The following PRKD1 variants were observed in gnomAD, a reference collection of about 807,000 sequenced individuals.
PRKD1 encodes the protein serine/threonine-protein kinase D1.
PRKD1 carries 63 observed loss-of-function variants against 95.9 expected under a neutral mutation model. The ratio of observed to expected loss-of-function variants is 0.66; its 90% CI spans 0.54 to 0.81. The LOEUF is 0.81. Among genes scored for constraint, PRKD1 ranks in the 30% least tolerant of loss-of-function variants. The probability of loss-of-function intolerance (pLI) is 0.00; values close to 1 mark genes in which losing one functional copy is unlikely to be tolerated. For missense variants in PRKD1, 1,048 were observed against 1,165.3 expected (o/e 0.90, Z 1.47); for synonymous variants, 425 against 423.1 (o/e 1.00, Z -0.05).
chr14:29,822,980 T>C (rs916999973), intron 1 of PRKD1, among the ~76,000 whole-genome samples: 1 of 152,170 alleles, frequency 6.6e-6, no homozygotes, highest in African/African-American at 2.4e-5. Flanking sequence ...AAAAGATGGA[T>C]TGAAAATTGG....
At chr14:29,741,147 A>T (rs914087539) in intron 1 of PRKD1, among the ~76,000 whole-genome samples, 5 of 152,208 alleles carry the variant, frequency 3.3e-5, no homozygotes, top group African/African-American at 1.2e-4. Context: ...CAGAAAAAAA[A>T]TAACGATTAG....
chr14:29,759,632 A>G (rs896134211), intron 1 of PRKD1, among the ~76,000 whole-genome samples: 3 of 152,248 alleles, frequency 2.0e-5, no homozygotes, highest in African/African-American at 7.2e-5. Flanking sequence ...TTTGAGCACA[A>G]TGGGGAAGCT....
chr14:29,646,818 G>C (rs116561697), intron 4 of PRKD1, among the ~76,000 whole-genome samples: 1 of 151,382 alleles, frequency 6.6e-6, no homozygotes, highest in African/African-American at 2.4e-5. Context: ...TCTCACACAG[G>C]AGTGGGGATT....
intron 13 of PRKD1, among the ~76,000 whole-genome samples, chr14:29,623,896 T>A (rs1344261023): frequency 6.6e-6 from 1 of 152,196 alleles, no homozygotes; most frequent in African/African-American, 2.4e-5. Context: ...GAGCAAATGC[T>A]GAAATATTAC....
intron 1 of PRKD1, among the ~76,000 whole-genome samples, chr14:29,852,083 G>A (rs951651501): frequency 2.0e-5 from 3 of 152,006 alleles, no homozygotes; most frequent in East Asian, 1.9e-4. Context: ...ACTACAAGGC[G>A]GGAAATGATG....
intron 2 of PRKD1, among the ~76,000 whole-genome samples, chr14:29,712,634 A>G (rs1452798335): frequency 6.6e-6 from 1 of 152,258 alleles, no homozygotes; most frequent in South Asian, 2.1e-4. Context: ...AGGTACAAAT[A>G]CATTCTGGTG....
chr14:29,836,054 C>T (rs1046755450), intron 1 of PRKD1, among the ~76,000 whole-genome samples: 1 of 151,880 alleles, frequency 6.6e-6, no homozygotes, highest in Non-Finnish European at 1.5e-5. Flanking sequence ...GAGATGTCTC[C>T]CCAGATGAGA....
intron 1 of PRKD1, among the ~76,000 whole-genome samples, chr14:29,924,760 C>CA (rs555771669): frequency 1.3e-4 from 20 of 150,410 alleles, no homozygotes; most frequent in Middle Eastern, 3.5e-3. Flanking sequence ...AAGGTACTTC[C>CA]AAAAAAAAAC....
In PRKD1 at chr14:29,874,940, A is replaced by G. The variant is rs183390314; in HGVS notation, c.264+52309T>C. 2.6e-3 allele frequency among the ~76,000 whole-genome samples: 392 copies of G among 152,304 alleles called. 2 individuals carry two copies. Among genetic ancestry groups the G allele is most frequent in the Admixed American group, 8.4e-3 (128 of 15,286 alleles). ...TGTTCCAAAGCAGACCAGGGTGACTATAGTTAGCAACAATATATTGCACAT... is the reference window on the plus strand; with the variant it reads ...TGTTCCAAAGCAGACCAGGGTGACTGTAGTTAGCAACAATATATTGCACAT... On this transcript the variant is annotated intron_variant, in intron 1 of 17. Transcript: ENST00000331968.
Position 29,577,351 on chromosome 14 carries a change from G to A in PRKD1, c.2626C>T (p.Gln876Ter), listed in dbSNP as rs1479389213. Residue 876 changes from glutamine to a stop codon, truncating the protein, a stop_gained, in exon 18 of 18, where the codon CAG (glutamine) becomes TAG (stop). Coordinates refer to ENST00000331968, the MANE Select transcript of PRKD1 (RefSeq NM_002742.3). LOFTEE classifies it high-confidence loss of function. ...AGGTGTGTGGGGTACTGCAGCCCCT[G>A]CTCGCCTGCATACTTCTCCCACCTC... ...DLRWEKYAGEQGLQYPTHLIN... is the reference protein window; with the variant it reads ...DLRWEKYAGE 6.2e-6 allele frequency: 10 copies of A among 1,613,620 alleles called. No homozygotes were observed. The highest frequency in any genetic ancestry group is 1.3e-5 in the African/African-American group (1 of 74,884).
intron 1 of PRKD1, among the ~76,000 whole-genome samples, chr14:29,841,096 TC>T (rs1383270623): frequency 2.0e-5 from 3 of 152,232 alleles, no homozygotes; most frequent in African/African-American, 7.2e-5. Flanking sequence ...CCGATTTCTC[TC>T]ATTTGGAATG....
At chr14:29,683,490 A>C (rs959344347) in intron 2 of PRKD1, among the ~76,000 whole-genome samples, 1 of 152,180 alleles carries the variant, frequency 6.6e-6, no homozygotes, top group African/African-American at 2.4e-5. Context: ...GGTTAGGGGA[A>C]AGAGTAAAAT....
intron 1 of PRKD1, among the ~76,000 whole-genome samples, chr14:29,761,560 T>C (rs1887983612): frequency 6.6e-6 from 1 of 152,192 alleles, no homozygotes; most frequent in African/African-American, 2.4e-5. Flanking sequence ...AGTGCACATT[T>C]AAAGTTCTCA....
intron 1 of PRKD1, among the ~76,000 whole-genome samples, chr14:29,731,618 T>C (rs949790798): frequency 1.3e-5 from 2 of 152,206 alleles, no homozygotes; most frequent in Non-Finnish European, 2.9e-5. Flanking sequence ...AGCTCTGCTG[T>C]TAGGTGTATA....
intron 2 of PRKD1, among the ~76,000 whole-genome samples, chr14:29,714,919 GCA>G (rs1483143022): frequency 1.3e-5 from 2 of 152,090 alleles, no homozygotes; most frequent in Admixed American, 1.3e-4. Context: ...GAGAACACAT[GCA>G]CACAGGGAGG....
intron 1 of PRKD1, among the ~76,000 whole-genome samples, chr14:29,833,287 T>A (rs986897707): frequency 1.7e-4 from 26 of 152,228 alleles, no homozygotes; most frequent in African/African-American, 6.3e-4. Flanking sequence ...ATTAGTTGTG[T>A]AACCACAGGT....
chr14:29,894,927 T>C (rs1894068150), intron 1 of PRKD1, among the ~76,000 whole-genome samples: 1 of 152,222 alleles, frequency 6.6e-6, no homozygotes, highest in Admixed American at 6.5e-5. Context: ...TTTCTAGACA[T>C]ATGATGTCAA....
At chr14:29,701,811 C>A in intron 2 of PRKD1, among the ~76,000 whole-genome samples, 1 of 152,062 alleles carries the variant, frequency 6.6e-6, no homozygotes, top group South Asian at 2.1e-4. Context: ...TGATGATACT[C>A]AGTTTTTGAT....
intron 6 of PRKD1, 113 bp downstream of exon 6, chr14:29,638,376 C>T: frequency 9.5e-7 from 1 of 1,056,086 alleles, no homozygotes; most frequent in East Asian, 2.4e-5. Flanking sequence ...TTACTTTAGA[C>T]TGTGTCTGAA....
Sources: allele counts gnomAD v4.1 joint callset (sites outside exome capture counted in the v4.1 genomes callset), GRCh38; gene constraint gnomAD v4.1.1; transcripts MANE v1.5; gene names NCBI Gene and HGNC (gene_info 2026-07-23, HGNC 2026-07-21).